Variants in TNXB observed in about 807,000 individuals in gnomAD.
TNXB encodes tenascin XB.
In TNXB, 183 loss-of-function variants were observed where a neutral mutation model predicts 340.5. The ratio of observed to expected loss-of-function variants is 0.54; its 90% CI spans 0.48 to 0.61. The LOEUF is 0.61. TNXB is among the 20% of genes least tolerant of loss of function. The probability of loss-of-function intolerance (pLI) is 0.00; values close to 1 mark genes in which losing one functional copy is unlikely to be tolerated. For synonymous variants in TNXB, 2,121 were observed against 2,314.5 expected (o/e 0.92, Z 2.40); for missense variants, 4,613 against 5,446.4 (o/e 0.85, Z 4.82).
chr6:32,062,090 C>A lies in TNXB; in HGVS notation c.7168+67G>T. The A allele has an allele frequency of 6.5e-7, 1 of 1,531,350 alleles. No homozygotes were observed. Among genetic ancestry groups the A allele is most frequent in the Admixed American group, 1.9e-5 (1 of 52,432 alleles). 94.9% of individuals were successfully genotyped at this position (1,531,350 alleles called of 1,614,324 possible). ...CAGACCCGTCCCATTCCCCACCAGT[C>A]ATCACCAAAGAGCAAGAGGGTGACC... On this transcript the variant is annotated intron_variant, in intron 20 of 43. Coordinates refer to ENST00000644971, the MANE Select transcript of TNXB (RefSeq NM_001365276.2). This position sits in a 1 kb window ranked among gnomAD's most constrained non-coding sequence, Gnocchi z 4.3.
rs761600284 is a variant in TNXB, at chr6:32,045,059, T to G, written c.10874A>C (p.Tyr3625Ser). ...CAGGCGCTTCCCTTCATGGAGGCCA[T>G]AGAGGAGGAACCTGTAGGGGGTGCT... is the stretch of plus-strand genomic sequence containing the variant. ...EPSTPYRFLL[Y>S]GLHEGKRLGP... is the part of the protein sequence containing the mutation. Residue 3625 changes from tyrosine (Y) to serine (S), a missense_variant, in exon 32 of 44, where the codon TAT becomes TCT. Tyr to Ser is a moderately radical substitution (Grantham distance 144, BLOSUM62 -2). This residue lies in a region of TNXB where 5 missense variants were observed against 154.9 expected (regional missense o/e 0.03). Transcript: ENST00000644971. 1 of 1,612,090 alleles carries G rather than the reference T, an allele frequency of 6.2e-7. No homozygotes were observed. The highest frequency in any genetic ancestry group is 1.3e-5 in the African/African-American group (1 of 74,944).
In TNXB at chr6:32,062,433, G is replaced by C; in HGVS notation, c.6892C>G (p.Pro2298Ala). 1 of 1,612,220 alleles carries C rather than the reference G, an allele frequency of 6.2e-7. No homozygotes were observed. The highest frequency in any genetic ancestry group is 8.5e-7 in the Non-Finnish European group (1 of 1,179,212). ...AGGCGAGGCTTGATGGGGGGTTCAGGGGTGGGAGGTTCTGTCGAGGCTGGG... is the reference window on the plus strand; with the variant it reads ...AGGCGAGGCTTGATGGGGGGTTCAGCGGTGGGAGGTTCTGTCGAGGCTGGG... ...MAPASTEPPT[P>A]EPPIKPRLEE... The change falls in exon 20 of 44, where the codon CCT becomes GCT. Residue 2298 changes from proline to alanine, a missense_variant. Coordinates refer to ENST00000644971, the MANE Select transcript of TNXB (RefSeq NM_001365276.2). This position sits in a 1 kb window ranked among gnomAD's most constrained non-coding sequence, Gnocchi z 4.3.
rs770521692 is a variant in TNXB at position 32,055,995 on chromosome 6, C to G, written c.8323G>C (p.Gly2775Arg). Residue 2775 changes from glycine to arginine, a missense_variant, in exon 24 of 44, where the codon GGG becomes CGG. Transcript: ENST00000644971. Reference sequence around the variant, plus strand: ...CTGACACGCATCACCTGGGGCCGCCCGTCCCTGTCCTTGTACTGCACGGTG... The same window carrying G: ...CTGACACGCATCACCTGGGGCCGCCGGTCCCTGTCCTTGTACTGCACGGTG... ...SFTVQYKDRD[G>R]RPQVMRVRGE... 6 of 1,613,208 alleles carry G rather than the reference C, an allele frequency of 3.7e-6. No homozygotes were observed. Among genetic ancestry groups the G allele is most frequent in the Non-Finnish European group, 5.1e-6 (6 of 1,179,890 alleles).
chr6:32,064,721 T>A lies in TNXB; in HGVS notation c.6841+100A>T. ...AACCATTCCCAGGAGCTTGGGAGGC[T>A]TGGTCTCAGGGAAAGTAAAATAAAG... On this transcript the variant is annotated intron_variant, in intron 19 of 43. Coordinates refer to ENST00000644971, the MANE Select transcript of TNXB (RefSeq NM_001365276.2). This position sits in a 1 kb window ranked among gnomAD's most constrained non-coding sequence, Gnocchi z 5.3. 2 of 1,467,958 alleles carry A rather than the reference T, an allele frequency of 1.4e-6. No homozygotes were observed. The highest frequency in any genetic ancestry group is 1.4e-5 in the South Asian group (1 of 71,908). The allele number at this position is 1,467,958 out of a possible 1,614,324, so 90.9% of individuals were successfully genotyped here.
chr6:32,092,639 G>A lies in TNXB; in HGVS notation c.2358+2437C>T, dbSNP rs1780126085. On this transcript the variant is annotated intron_variant, in intron 4 of 43. Transcript: ENST00000644971. ...TGGGAAGCAGAGGTTGCAGTGAGCC[G>A]AGATTGCGCCATTGCACTCCAGCCT... 3.3e-5 allele frequency among the ~76,000 whole-genome samples: 5 copies of A among 150,826 alleles called. No individual in the cohort carries two copies. The South Asian group carries it at 1.0e-3, about 31-fold the overall frequency.
chr6:32,066,512 CA>C (rs1406550384), intron 18 of TNXB, among the ~76,000 whole-genome samples: 1 of 152,118 alleles, frequency 6.6e-6, no homozygotes, highest in East Asian at 1.9e-4. Context: ...AAGCTAGACA[CA>C]AAAGAATACA....
Position 32,097,674 on chromosome 6 carries a change from G to T in TNXB, c.403+122C>A. On this transcript the variant is annotated intron_variant, in intron 2 of 43. Transcript: ENST00000644971. This position sits in a 1 kb window ranked among gnomAD's most constrained non-coding sequence, Gnocchi z 5.9. ...TGCTCTCCAAGTTGTGTTCTGGGCTGCATCCACACCCCTCATGGTGAGGAA... is the reference window on the plus strand; with the variant it reads ...TGCTCTCCAAGTTGTGTTCTGGGCTTCATCCACACCCCTCATGGTGAGGAA... 8.2e-7 allele frequency: 1 copy of T among 1,226,182 alleles called. No homozygotes were observed. Among genetic ancestry groups the T allele is most frequent in the Non-Finnish European group, 1.1e-6 (1 of 908,246 alleles). 76.0% of individuals were successfully genotyped at this position (1,226,182 alleles called of 1,614,324 possible). A position where few individuals can be genotyped will look rare whatever the true frequency, so the allele number is the denominator to read the frequency against.
chr6:32,093,752 A>T (rs566608325), intron 4 of TNXB, among the ~76,000 whole-genome samples: 7 of 152,250 alleles, frequency 4.6e-5, no homozygotes, highest in Admixed American at 3.9e-4. Context: ...CAAATAAGTG[A>T]CCACAAGGCT....
In TNXB at chr6:32,055,841, A is replaced by G. The variant is rs746265021; in HGVS notation, c.8467+10T>C. The G allele has an allele frequency of 3.1e-6, 5 of 1,605,326 alleles. No individual in the cohort carries two copies. Among genetic ancestry groups the G allele is most frequent in the African/African-American group, 2.7e-5 (2 of 74,740 alleles). On this transcript the variant is annotated intron_variant, in intron 24 of 43. Transcript: ENST00000644971. ...TTCTAGGGCCATCTTCCTCACTCACAAACACTCACCTGTCACACCCACGGT... is the reference window on the plus strand; with the variant it reads ...TTCTAGGGCCATCTTCCTCACTCACGAACACTCACCTGTCACACCCACGGT...
Position 32,062,550 on chromosome 6 carries a change from T to A in TNXB, c.6842-67A>T. Reference sequence around the variant, plus strand: ...TCCTTTTAACCAAGGGACTCTGGGATTCTCTTAGACACACCAAGGGCCCAC... The same window carrying A: ...TCCTTTTAACCAAGGGACTCTGGGAATCTCTTAGACACACCAAGGGCCCAC... On this transcript the variant is annotated intron_variant, in intron 19 of 43. Coordinates refer to ENST00000644971, the MANE Select transcript of TNXB (RefSeq NM_001365276.2). This position sits in a 1 kb window ranked among gnomAD's most constrained non-coding sequence, Gnocchi z 4.3. 6.9e-7 allele frequency: 1 copy of A among 1,451,230 alleles called. No homozygotes were observed. The highest frequency in any genetic ancestry group is 9.3e-7 in the Non-Finnish European group (1 of 1,078,020). The allele number at this position is 1,451,230 out of a possible 1,614,324, so 89.9% of individuals were successfully genotyped here. A position where few individuals can be genotyped will look rare whatever the true frequency, so the allele number is the denominator to read the frequency against.
rs1056428594 is a variant in TNXB, at chr6:32,096,709, G to T, written c.1144C>A (p.Arg382Ser). 1.3e-6 allele frequency: 2 copies of T among 1,551,310 alleles called. No homozygotes were observed. Among genetic ancestry groups the T allele is most frequent in the Admixed American group, 1.9e-5 (1 of 51,850 alleles). ...TCPRDCRGRGRCEDGECICDT... is the reference protein window; with the variant it reads ...TCPRDCRGRGSCEDGECICDT... Reference sequence around the variant, plus strand: ...CAAATGCATTCGCCGTCCTCGCAGCGCCCGCGGCCCCGGCAGTCCCTCGGA... The same window carrying T: ...CAAATGCATTCGCCGTCCTCGCAGCTCCCGCGGCCCCGGCAGTCCCTCGGA... Residue 382 changes from arginine (R) to serine (S), a missense_variant, in exon 3 of 44, where the codon CGC becomes AGC. Physicochemically the swap from Arg to Ser is moderately radical, Grantham distance 110. Transcript: ENST00000644971.
Position 32,042,515 on chromosome 6 carries a change from G to C in TNXB, c.12150C>G (p.Gly4050=). The part of the protein sequence containing the change: ...ASRTSTIFLN[G]NRERPLNVFC... ...ACACGTTCAGGGGCCGCTCGCGGTT[G>C]CCGTTGAGGAAGATGGTGCTGGTCC... is the stretch of plus-strand genomic sequence containing the variant. Residue 4050 remains glycine, a synonymous_variant, in exon 40 of 44, where the codon GGC becomes GGG. Transcript: ENST00000644971. The C allele has an allele frequency of 6.2e-7, 1 of 1,612,562 alleles. No individual in the cohort carries two copies. Among genetic ancestry groups the C allele is most frequent in the Non-Finnish European group, 8.5e-7 (1 of 1,179,988 alleles).
rs1170096824 is a variant in TNXB at position 32,083,448 on chromosome 6, A to C, written c.3445+965T>G. The stretch of plus-strand genomic sequence containing the variant: ...TCTTGATCACAACTGACTCTCAATA[A>C]ATGCACAAAAGGTATTTATGTAAGT... On this transcript the variant is annotated intron_variant, in intron 8 of 43. Transcript: ENST00000644971. This position sits in a 1 kb window ranked among gnomAD's most constrained non-coding sequence, Gnocchi z 4.6. Among the ~76,000 whole-genome samples, 1 of 152,110 alleles carries C rather than the reference A, an allele frequency of 6.6e-6. No homozygotes were observed. Among genetic ancestry groups the C allele is most frequent in the Non-Finnish European group, 1.5e-5 (1 of 68,014 alleles).
intron 11 of TNXB, among the ~76,000 whole-genome samples, chr6:32,078,055 G>A (rs866582065): frequency 1.4e-5 from 2 of 141,258 alleles, no homozygotes; most frequent in African/African-American, 5.4e-5. Flanking sequence ...GAAAGAGAGA[G>A]AGAGAGACAG....
At position 32,059,020 on chromosome 6, in the gene TNXB, C is replaced by CG. The variant is rs1448075193; in HGVS notation, c.7493-631dup. Among the ~76,000 whole-genome samples, 9 of 151,932 alleles carry CG rather than the reference C, an allele frequency of 5.9e-5. No individual in the cohort carries two copies. In the East Asian group the frequency reaches 1.7e-3, roughly 29 times the overall value. Reference sequence around the variant, plus strand: ...GCACTACACACATTGTTATTAATGCCGGCAGCTGGGGGAGAAAGTAGGACT... The same window carrying CG: ...GCACTACACACATTGTTATTAATGCCGGGCAGCTGGGGGAGAAAGTAGGACT... On this transcript the variant is annotated intron_variant, in intron 21 of 43. Transcript: ENST00000644971.
intron 28 of TNXB, among the ~76,000 whole-genome samples, chr6:32,048,851 T>G (rs2151891516): frequency 6.6e-6 from 1 of 152,366 alleles, no homozygotes; most frequent in South Asian, 2.1e-4. Flanking sequence ...TGGGTGCCAT[T>G]ATTATCATCA....
At chr6:32,065,846 C>T (rs1369896406) in intron 18 of TNXB, among the ~76,000 whole-genome samples, 1 of 152,056 alleles carries the variant, frequency 6.6e-6, no homozygotes, top group African/African-American at 2.4e-5. Flanking sequence ...GACGGGGTTT[C>T]ACCATGTTGG....
chr6:32,065,644 G>A (rs1169812753), intron 18 of TNXB, among the ~76,000 whole-genome samples: 1 of 152,062 alleles, frequency 6.6e-6, no homozygotes, highest in Non-Finnish European at 1.5e-5. Flanking sequence ...TTTTGACACA[G>A]AGTCTCACTC....
Position 32,081,532 on chromosome 6 carries a change from A to T in TNXB, c.3878T>A (p.Val1293Asp). ...VAQGPFDSFM[V>D]QYKDAQGQPQ... ...CTGCCCCTGTGCATCCTTGTACTGG[A>T]CCATGAATGAGTCGAAGGGGCCCTG... Residue 1293 changes from valine to aspartate, a missense_variant, in exon 10 of 44, where the codon GTC becomes GAC. Transcript: ENST00000644971. The surrounding 1 kb of genome is among the most constrained non-coding windows in gnomAD (Gnocchi z 5.1). The T allele has an allele frequency of 6.2e-7, 1 of 1,606,970 alleles. No individual in the cohort carries two copies. The highest frequency in any genetic ancestry group is 1.1e-5 in the South Asian group (1 of 89,540).
Sources: gnomAD v4.1 joint callset for allele counts (sites outside exome capture counted in the v4.1 genomes callset) on GRCh38, gnomAD v4.1.1 for gene constraint, gnomAD v4.1.1 regional missense constraint, Gnocchi (gnomAD v3.1) non-coding constraint, MANE v1.5 for transcripts, NCBI Gene and HGNC (gene_info 2026-07-23, HGNC 2026-07-21) for gene names.